The following PSTPIP1 variants were observed in gnomAD, a reference collection of about 807,000 sequenced individuals.
PSTPIP1 encodes the protein proline-serine-threonine phosphatase interacting protein 1.
In PSTPIP1, 66 loss-of-function variants were observed where a neutral mutation model predicts 69.6. The observed-to-expected ratio is 0.95, with a 90% CI of 0.78 to 1.16. PSTPIP1 has a LOEUF of 1.16. Ranked by LOEUF, PSTPIP1 falls within the 50% of genes most tolerant of loss-of-function variation. The pLI is 0.00. For missense variants in PSTPIP1, 603 were observed against 557.4 expected (o/e 1.08, Z -0.82); for synonymous variants, 266 against 222.7 (o/e 1.19, Z -1.73).
rs112105697 is a variant in PSTPIP1 at position 77,030,250 on chromosome 15, A to G, written c.563-252A>G. On this transcript the variant is annotated intron_variant, in intron 8 of 14. Coordinates refer to ENST00000558012, the MANE Select transcript of PSTPIP1 (RefSeq NM_003978.5). ...GGCGCCCAGAGATGCCCAGAGGCCA[A>G]TACTCTGGACTTGCATATATGAGGC... Among the ~76,000 whole-genome samples the G allele has an allele frequency of 0.01, 1,533 of 152,332 alleles. 24 individuals are homozygous for G. The highest frequency in any genetic ancestry group is 0.035 in the African/African-American group (1,445 of 41,562).
chr15:77,032,751 G>A, intron 11 of PSTPIP1, 111 bp from the exon 12 acceptor site: 1 of 901,420 alleles, frequency 1.1e-6, no homozygotes. Context: ...ACCTCCTCAG[G>A]CACCAGGATG....
chr15:77,016,628 G>C (rs2076057648), intron 1 of PSTPIP1, among the ~76,000 whole-genome samples: 1 of 151,944 alleles, frequency 6.6e-6, no homozygotes, highest in African/African-American at 2.4e-5. Context: ...GAGGGGGTAG[G>C]AGCTTGGGGT....
intron 1 of PSTPIP1, among the ~76,000 whole-genome samples, chr15:77,006,806 T>C (rs2152668975): frequency 6.6e-6 from 1 of 152,358 alleles, no homozygotes; most frequent in South Asian, 2.1e-4. Context: ...TGGTTATATG[T>C]CTGTCCTTAT....
At chr15:77,005,249 G>A (rs770171631) in intron 1 of PSTPIP1, among the ~76,000 whole-genome samples, 1 of 152,176 alleles carries the variant, frequency 6.6e-6, no homozygotes, top group Non-Finnish European at 1.5e-5. Context: ...AGCCAGGTAT[G>A]GTGGTGCATG....
At chr15:77,022,720 G>T (rs900735102) in intron 3 of PSTPIP1, among the ~76,000 whole-genome samples, 4 of 152,208 alleles carry the variant, frequency 2.6e-5, no homozygotes, top group African/African-American at 4.8e-5. Flanking sequence ...TTCATCTGGG[G>T]CCAAGAAAGG....
chr15:77,023,208 A>T (rs559516820), intron 3 of PSTPIP1, among the ~76,000 whole-genome samples: 153 of 152,396 alleles, frequency 1.0e-3, no homozygotes, highest in East Asian at 2.1e-3. Context: ...GAGGAGAGCC[A>T]GGCATTGCCC....
chr15:77,020,280 G>A (rs1200933048), intron 3 of PSTPIP1, among the ~76,000 whole-genome samples: 2 of 152,150 alleles, frequency 1.3e-5, no homozygotes, highest in African/African-American at 4.8e-5. Context: ...GGCAGGGTCT[G>A]CCCTGACTTA....
chr15:77,037,246 C>G lies in PSTPIP1; in HGVS notation c.*70C>G. 3.9e-6 allele frequency: 6 copies of G among 1,534,910 alleles called. No homozygotes were observed. In the Admixed American group the frequency reaches 7.9e-5, roughly 20 times the overall value. On this transcript the variant is annotated 3_prime_UTR_variant, in exon 15 of 15. Coordinates refer to ENST00000558012, the MANE Select transcript of PSTPIP1 (RefSeq NM_003978.5). ...AGCAGTGCCCCCAGCACTGTCCCCA[C>G]CTTGCTAGGGCCCAGAACCAAGCGT...
At position 77,025,299 on chromosome 15, in the gene PSTPIP1, C is replaced by T. The variant is rs2076253869; in HGVS notation, c.228C>T (p.Ser76=). Reference sequence around the variant, plus strand: ...TGTTTTGCAGCTCCCTGAGGGCCTCCTTTGACTCCTTGAAGCAGCGTAAGT... The same window carrying T: ...TGTTTTGCAGCTCCCTGAGGGCCTCTTTTGACTCCTTGAAGCAGCGTAAGT... ...GQTEINSLRA[S]FDSLKQQMEN... is the part of the protein sequence containing the mutation. The change falls in exon 4 of 15, where the codon TCC becomes TCT. Residue 76 remains serine (S), a synonymous_variant. Transcript: ENST00000558012. 1 of 1,611,256 alleles carries T rather than the reference C, an allele frequency of 6.2e-7. No homozygotes were observed. Among genetic ancestry groups the T allele is most frequent in the Non-Finnish European group, 8.5e-7 (1 of 1,177,544 alleles).
At chr15:77,019,646 C>A (rs35130368) in intron 3 of PSTPIP1, among the ~76,000 whole-genome samples, 101,098 of 152,052 alleles carry the variant, frequency 0.66, 35,173 homozygotes, top group Middle Eastern at 0.83. Context: ...GACTGTGGGC[C>A]AGTCGCCTAG....
chr15:77,009,278 G>T (rs948056289), intron 1 of PSTPIP1, among the ~76,000 whole-genome samples: 21 of 152,120 alleles, frequency 1.4e-4, no homozygotes, highest in African/African-American at 5.1e-4. Context: ...AGGCTGCAGG[G>T]GTCCCTGCCT....
chr15:77,003,298 C>T (rs1022875869), intron 1 of PSTPIP1, among the ~76,000 whole-genome samples: 106 of 152,264 alleles, frequency 7.0e-4, no homozygotes, highest in African/African-American at 2.4e-3. Flanking sequence ...GCATGATGCC[C>T]TGGGCCCTGG....
intron 12 of PSTPIP1, among the ~76,000 whole-genome samples, 180 bp downstream of exon 12, chr15:77,033,132 C>A (rs1426573267): frequency 6.6e-6 from 1 of 152,196 alleles, no homozygotes; most frequent in Non-Finnish European, 1.5e-5. Context: ...CCTATGGAAC[C>A]CTCAGCCCAA....
chr15:77,019,963 A>T (rs1051307796), intron 3 of PSTPIP1, among the ~76,000 whole-genome samples: 2 of 152,192 alleles, frequency 1.3e-5, no homozygotes, highest in African/African-American at 4.8e-5. Flanking sequence ...TTTCCCAGAA[A>T]GAGAGGGTAC....
chr15:77,037,351 C>T lies in PSTPIP1; in HGVS notation c.*175C>T, dbSNP rs180767024. ...TGTTCTCCTTGGTGTGCTGGGGTCC[C>T]GTTCTCTTTTTCTCCTGCTCCAGTG... On this transcript the variant is annotated 3_prime_UTR_variant, in exon 15 of 15. Coordinates refer to ENST00000558012, the MANE Select transcript of PSTPIP1 (RefSeq NM_003978.5). The T allele has an allele frequency of 1.4e-4, 119 of 831,888 alleles. 1 individual carries two copies. Among genetic ancestry groups the T allele is most frequent in the African/African-American group, 1.3e-3 (73 of 57,560 alleles). The allele number at this position is 831,888 out of a possible 1,614,324, so 51.5% of individuals were successfully genotyped here.
In PSTPIP1 at chr15:77,036,936, C is replaced by T; in HGVS notation, c.1120-109C>T. On this transcript the variant is annotated intron_variant, in intron 14 of 14. Coordinates refer to ENST00000558012, the MANE Select transcript of PSTPIP1 (RefSeq NM_003978.5). ...CCCCAAGGGGCTGCCCCTGCCCACC[C>T]TGGGAGACATGCCGCATTTACTGCT... 5 of 1,473,080 alleles carry T rather than the reference C, an allele frequency of 3.4e-6. No homozygotes were observed. In the East Asian group the frequency reaches 7.0e-5, roughly 21 times the overall value. 91.3% of individuals were successfully genotyped at this position (1,473,080 alleles called of 1,614,324 possible).
chr15:77,032,334 A>G lies in PSTPIP1; in HGVS notation c.778A>G (p.Ser260Gly), dbSNP rs780080026. 2 of 1,612,484 alleles carry G rather than the reference A, an allele frequency of 1.2e-6. No homozygotes were observed. The highest frequency in any genetic ancestry group is 1.3e-5 in the African/African-American group (1 of 74,936). ...EEVRLTLEGCSIDADIDSFIQ... is the reference protein window; with the variant it reads ...EEVRLTLEGCGIDADIDSFIQ... ...AGTGCGGCTGACGCTGGAAGGCTGCAGCATAGACGCCGACATCGACAGTTT... is the reference window on the plus strand; with the variant it reads ...AGTGCGGCTGACGCTGGAAGGCTGCGGCATAGACGCCGACATCGACAGTTT... Residue 260 changes from serine to glycine, a missense_variant, in exon 11 of 15, where the codon AGC (serine) becomes GGC (glycine). Physicochemically the swap from Ser to Gly is moderately conservative, Grantham distance 56. Transcript: ENST00000558012.
At chr15:77,036,297 C>T (rs935076672) in intron 14 of PSTPIP1, among the ~76,000 whole-genome samples, 7 of 152,146 alleles carry the variant, frequency 4.6e-5, no homozygotes, top group African/African-American at 1.2e-4. Context: ...TGCACACGTG[C>T]GGGGAGCTGG....
rs144914003 is a variant in PSTPIP1, at chr15:77,005,374, A to G, written c.36+9765A>G. 2.9e-3 allele frequency among the ~76,000 whole-genome samples: 438 copies of G among 152,344 alleles called. 1 individual carries two copies. Among genetic ancestry groups the G allele is most frequent in the Non-Finnish European group, 3.7e-3 (254 of 68,036 alleles). ...GCACTCCAGCCTGGGCAACAAGAGC[A>G]AACACTCAATATCAAAACAAAACAA... On this transcript the variant is annotated intron_variant, in intron 1 of 14. Transcript: ENST00000558012.
Sources: allele counts gnomAD v4.1 joint callset (sites outside exome capture counted in the v4.1 genomes callset), GRCh38; gene constraint gnomAD v4.1.1; transcripts MANE v1.5; gene names NCBI Gene and HGNC (gene_info 2026-07-23, HGNC 2026-07-21).